STXBP5L: variants seen among roughly 807,000 people sequenced by gnomAD.
STXBP5L encodes syntaxin binding protein 5L.
A neutral mutation model predicts 144.5 loss-of-function variants in STXBP5L; 65 were observed. That is an observed-to-expected ratio of 0.45 (90% CI 0.37 to 0.55). STXBP5L has a LOEUF of 0.55. Among genes scored for constraint, STXBP5L ranks in the 20% least tolerant of loss-of-function variants. The pLI is 0.00. For synonymous variants in STXBP5L, 505 were observed against 469.6 expected (o/e 1.08, Z -0.97); for missense variants, 1,298 against 1,405.5 (o/e 0.92, Z 1.22).
chr3:121,143,353 A>G (rs2045585647), intron 7 of STXBP5L, among the ~76,000 whole-genome samples: 1 of 151,732 alleles, frequency 6.6e-6, no homozygotes, highest in Admixed American at 6.6e-5. Flanking sequence ...CCCTGACACC[A>G]AAACTAGACA....
intron 3 of STXBP5L, among the ~76,000 whole-genome samples, chr3:121,018,116 A>G (rs1040609028): frequency 1.3e-4 from 20 of 152,144 alleles, no homozygotes; most frequent in African/African-American, 4.6e-4. Flanking sequence ...GAGATATTCC[A>G]GGTACATGGA....
At position 121,273,638 on chromosome 3, in the gene STXBP5L, T is replaced by TA. The variant is rs1186544765; in HGVS notation, c.1959-6166dup. Reference sequence around the variant, plus strand: ...TCCTCTGAATCTCCCATAATGTGACTATTGGTTCTCTTGATAGTGTTCAAT... The same window carrying TA: ...TCCTCTGAATCTCCCATAATGTGACTAATTGGTTCTCTTGATAGTGTTCAAT... On this transcript the variant is annotated intron_variant, in intron 18 of 26. Coordinates refer to ENST00000471454, the MANE Select transcript of STXBP5L (RefSeq NM_001308330.2). Among the ~76,000 whole-genome samples the TA allele has an allele frequency of 7.2e-5, 11 of 152,304 alleles. No individual in the cohort carries two copies. In the South Asian group the frequency reaches 1.9e-3, roughly 26 times the overall value.
chr3:121,025,564 C>T (rs1044563438), intron 3 of STXBP5L, among the ~76,000 whole-genome samples: 3 of 152,004 alleles, frequency 2.0e-5, no homozygotes, highest in Non-Finnish European at 4.4e-5. Context: ...TTTACTGTTC[C>T]ATATATTTCT....
At chr3:121,131,073 T>A (rs2044967145) in intron 7 of STXBP5L, among the ~76,000 whole-genome samples, 2 of 152,090 alleles carry the variant, frequency 1.3e-5, no homozygotes, top group Non-Finnish European at 1.5e-5. Flanking sequence ...TTGTAAGCTA[T>A]GTTATAAATT....
At chr3:121,300,726 CA>C (rs1287966558) in intron 19 of STXBP5L, among the ~76,000 whole-genome samples, 21 of 150,348 alleles carry the variant, frequency 1.4e-4, no homozygotes, top group African/African-American at 4.9e-4. Flanking sequence ...TAACAGTAAA[CA>C]AACAAAAAAA....
At chr3:121,383,261 A>AC (rs1020505002) in intron 22 of STXBP5L, among the ~76,000 whole-genome samples, 4 of 151,946 alleles carry the variant, frequency 2.6e-5, no homozygotes, top group Admixed American at 2.0e-4. Flanking sequence ...GCATAATGAG[A>AC]CCCCATCTCT....
At chr3:121,009,411 A>G (rs1022836317) in intron 3 of STXBP5L, among the ~76,000 whole-genome samples, 47 of 151,844 alleles carry the variant, frequency 3.1e-4, no homozygotes, top group African/African-American at 1.0e-3. Flanking sequence ...TCCTCACATT[A>G]CTTCTCTGTC....
chr3:121,416,514 A>G (rs908297506), intron 25 of STXBP5L, among the ~76,000 whole-genome samples: 2 of 143,822 alleles, frequency 1.4e-5, no homozygotes, highest in Non-Finnish European at 3.1e-5. Context: ...TTTATTATTT[A>G]TTTATTTATT....
intron 20 of STXBP5L, among the ~76,000 whole-genome samples, chr3:121,360,101 T>C (rs1395599821): frequency 1.5e-5 from 2 of 136,852 alleles, no homozygotes; most frequent in Non-Finnish European, 3.1e-5. Flanking sequence ...TACATATGTA[T>C]TTTAAAATTG....
intron 9 of STXBP5L, among the ~76,000 whole-genome samples, chr3:121,189,690 G>A (rs1394243818): frequency 6.6e-6 from 1 of 152,284 alleles, no homozygotes; most frequent in South Asian, 2.1e-4. Context: ...ACTTCAGAAT[G>A]TCTTGACAAT....
At chr3:121,229,742 A>C (rs978729709) in intron 11 of STXBP5L, among the ~76,000 whole-genome samples, 1 of 151,850 alleles carries the variant, frequency 6.6e-6, no homozygotes, top group African/African-American at 2.4e-5. Context: ...TTTTTTGTAG[A>C]GATGTCTTGC....
rs547266848 is a variant in STXBP5L, at chr3:121,166,388, C to T, written c.877+8761C>T. ...GGGTAATTTTTTTCAGATATAACTT[C>T]TTTCACTAATTTTCTCTTCAGCTAT... is the stretch of plus-strand genomic sequence containing the variant. On this transcript the variant is annotated intron_variant, in intron 9 of 26. Coordinates refer to ENST00000471454, the MANE Select transcript of STXBP5L (RefSeq NM_001308330.2). Among the ~76,000 whole-genome samples, 8 of 152,204 alleles carry T rather than the reference C, an allele frequency of 5.3e-5. No homozygotes were observed. The South Asian group carries it at 1.5e-3, about 28-fold the overall frequency.
intron 3 of STXBP5L, among the ~76,000 whole-genome samples, chr3:120,961,961 C>T (rs568277441): frequency 2.0e-5 from 3 of 152,202 alleles, no homozygotes; most frequent in Non-Finnish European, 2.9e-5. Context: ...TTAATGATTG[C>T]CATTCCAACT....
chr3:121,268,920 A>C (rs11921531), intron 18 of STXBP5L, among the ~76,000 whole-genome samples: 18,732 of 152,114 alleles, frequency 0.12, 1,189 homozygotes, highest in Non-Finnish European at 0.14. Context: ...TATTTATGTC[A>C]TTATCATTTA....
chr3:121,224,649 G>C (rs987861747), intron 11 of STXBP5L, among the ~76,000 whole-genome samples: 2 of 152,114 alleles, frequency 1.3e-5, no homozygotes, highest in Non-Finnish European at 2.9e-5. Flanking sequence ...AATAGTCGTG[G>C]TTTCATGCAT....
chr3:121,262,382 C>T (rs961883266), intron 18 of STXBP5L, among the ~76,000 whole-genome samples: 5 of 152,216 alleles, frequency 3.3e-5, no homozygotes, highest in African/African-American at 1.2e-4. Context: ...GTAATCCCAG[C>T]ACTTCGGGAG....
chr3:120,975,623 G>C (rs1940890792), intron 3 of STXBP5L, among the ~76,000 whole-genome samples: 1 of 152,138 alleles, frequency 6.6e-6, no homozygotes, highest in African/African-American at 2.4e-5. Flanking sequence ...TCTTGTGCCA[G>C]TTTTCAAAGG....
At chr3:120,976,561 T>C (rs1258690163) in intron 3 of STXBP5L, among the ~76,000 whole-genome samples, 1 of 152,062 alleles carries the variant, frequency 6.6e-6, no homozygotes, top group African/African-American at 2.4e-5. Context: ...CTGCTCTGAT[T>C]TTAGTTATTT....
At chr3:121,293,679 G>A (rs1304408417) in intron 19 of STXBP5L, among the ~76,000 whole-genome samples, 1 of 152,140 alleles carries the variant, frequency 6.6e-6, no homozygotes, top group African/African-American at 2.4e-5. Context: ...GGCCAATATG[G>A]CGAAACCCTG....
Sources: gnomAD v4.1 joint callset for allele counts (sites outside exome capture counted in the v4.1 genomes callset) on GRCh38, gnomAD v4.1.1 for gene constraint, MANE v1.5 for transcripts, NCBI Gene and HGNC (gene_info 2026-07-23, HGNC 2026-07-21) for gene names.